Variants in SLC17A2 observed in about 807,000 individuals in gnomAD.
The protein encoded by SLC17A2 is solute carrier family 17 member 2.
In SLC17A2, 38 loss-of-function variants were observed where a neutral mutation model predicts 52.1. The observed-to-expected ratio is 0.73, with a 90% CI of 0.56 to 0.96. The LOEUF is 0.96. SLC17A2 is among the 40% of genes least tolerant of loss of function. SLC17A2 has a pLI of 0.00. For missense variants in SLC17A2, 508 were observed against 583.9 expected (o/e 0.87, Z 1.34); for synonymous variants, 226 against 211.9 (o/e 1.07, Z -0.58).
intron 1 of SLC17A2, among the ~76,000 whole-genome samples, chr6:25,928,393 A>G (rs548318673): frequency 9.3e-4 from 142 of 152,248 alleles, no homozygotes; most frequent in African/African-American, 3.2e-3. Flanking sequence ...TGAGCTTTGA[A>G]TATTAAACAT....
rs78175043 is a variant in SLC17A2, at chr6:25,914,790, T to A, written c.1212-120A>T. ...AAGTCATTTTGCTTAATGCAGTTTTTCATTCACCTAAAGACATTCAGGGCA... is the reference window on the plus strand; with the variant it reads ...AAGTCATTTTGCTTAATGCAGTTTTACATTCACCTAAAGACATTCAGGGCA... On this transcript the variant is annotated intron_variant, in intron 10 of 11. Coordinates refer to ENST00000377850, the MANE Select transcript of SLC17A2 (RefSeq NM_001286123.3). 1,917 of 642,066 alleles carry A rather than the reference T, an allele frequency of 3.0e-3. 19 individuals carry two copies. Among genetic ancestry groups the A allele is most frequent in the African/African-American group, 0.028 (1,551 of 54,832 alleles). The allele number at this position is 642,066 out of a possible 1,614,324, so 39.8% of individuals were successfully genotyped here. A position where few individuals can be genotyped will look rare whatever the true frequency, so the allele number is the denominator to read the frequency against.
rs1309057872 is a variant in SLC17A2, at chr6:25,916,847, C to T, written c.769-1G>A. 6.2e-7 allele frequency: 1 copy of T among 1,614,070 alleles called. No homozygotes were observed. On this transcript the variant is annotated splice_acceptor_variant, in intron 7 of 11. Transcript: ENST00000377850. LOFTEE classifies it high-confidence loss of function. ...GGACAGCTCGTCCAGGAGAACTGGG[C>T]TGAAAAGAAAGATCTAATCAGCATG...
rs181094640 is a variant in SLC17A2, at chr6:25,916,830, C to G, written c.785G>C (p.Arg262Pro). Residue 262 changes from arginine to proline, a missense_variant, in exon 8 of 12, where the codon CGA (arginine) becomes CCA (proline). Physicochemically the swap from Arg to Pro is moderately radical, Grantham distance 103 (BLOSUM62 -2). Transcript: ENST00000377850. The stretch of plus-strand genomic sequence containing the variant: ...GACCATCGCCTTTATGGGGACAGCT[C>G]GTCCAGGAGAACTGGGCTGAAAAGA... ...SLAQQPSSPGRAVPIKAMVTC... is the reference protein window; with the variant it reads ...SLAQQPSSPGPAVPIKAMVTC... 1 of 1,614,090 alleles carries G rather than the reference C, an allele frequency of 6.2e-7. No homozygotes were observed. Among genetic ancestry groups the G allele is most frequent in the African/African-American group, 1.3e-5 (1 of 75,006 alleles).
chr6:25,915,739 G>A lies in SLC17A2; in HGVS notation c.1060C>T (p.Leu354Phe), dbSNP rs752762634. 1.2e-6 allele frequency: 2 copies of A among 1,614,046 alleles called. No homozygotes were observed. The highest frequency in any genetic ancestry group is 1.7e-5 in the Admixed American group (1 of 59,992). Residue 354 changes from leucine (L) to phenylalanine (F), a missense_variant, in exon 9 of 12, where the codon CTT (leucine) becomes TTT (phenylalanine). Leu to Phe is a conservative substitution (Grantham distance 22). Transcript: ENST00000377850. ...LITVRKLFSS[L>F]GLLLPSICAV... Reference sequence around the variant, plus strand: ...GGGCCCACACGCTTATCCTTACCAAGAGATGAAAAGAGCTTTCGCACAGTG... The same window carrying A: ...GGGCCCACACGCTTATCCTTACCAAAAGATGAAAAGAGCTTTCGCACAGTG...
At chr6:25,914,523 T>C (rs1490267392) in intron 11 of SLC17A2, 57 bp downstream of exon 11, 3 of 1,095,774 alleles carry the variant, frequency 2.7e-6, no homozygotes, top group Non-Finnish European at 4.2e-6. Context: ...ACCGTGTGTA[T>C]CTCCAACACC....
Position 25,921,370 on chromosome 6 carries a change from A to G in SLC17A2, c.283T>C (p.Phe95Leu). 2 of 1,614,184 alleles carry G rather than the reference A, an allele frequency of 1.2e-6. No homozygotes were observed. Among genetic ancestry groups the G allele is most frequent in the Non-Finnish European group, 1.7e-6 (2 of 1,180,024 alleles). Residue 95 changes from phenylalanine to leucine, a missense_variant, in exon 4 of 12, where the codon TTT becomes CTT. Coordinates refer to ENST00000377850, the MANE Select transcript of SLC17A2 (RefSeq NM_001286123.3). The part of the protein sequence containing the change: ...QWSPETQGII[F>L]SSINYGIILT... The stretch of plus-strand genomic sequence containing the variant: ...ATTATCCCATAGTTGATGGAGCTAA[A>G]GATGATACCCTGAGTTTCTGGGCTC...
chr6:25,919,834 C>T (rs1179234981), intron 5 of SLC17A2, among the ~76,000 whole-genome samples: 1 of 151,398 alleles, frequency 6.6e-6, no homozygotes, highest in African/African-American at 2.4e-5. Context: ...GGAGCAGAGC[C>T]AGAGGGAAGT....
intron 3 of SLC17A2, among the ~76,000 whole-genome samples, chr6:25,921,820 T>C (rs1261078304): frequency 3.9e-5 from 6 of 152,096 alleles, no homozygotes; most frequent in African/African-American, 1.4e-4. Flanking sequence ...AATCAGTGCC[T>C]AATTAAAAAG....
At chr6:25,920,889 G>A (rs1305145372) in intron 5 of SLC17A2, 117 bp downstream of exon 5, 4 of 876,956 alleles carry the variant, frequency 4.6e-6, no homozygotes, top group Non-Finnish European at 7.2e-6. Context: ...GTCTTATATT[G>A]TTGAATTTTT....
At position 25,913,359 on chromosome 6, in the gene SLC17A2, T is replaced by A. The variant is rs1766174409; in HGVS notation, c.1395A>T (p.Glu465Asp). Reference sequence around the variant, plus strand: ...TCCTCTCTTTGGCCCAGTCTTGAAGTTCTGCTTGTCCAAACGTGAGGTAAA... The same window carrying A: ...TCCTCTCTTTGGCCCAGTCTTGAAGATCTGCTTGTCCAAACGTGAGGTAAA... ...LVFYLTFGQA[E>D]LQDWAKERTL... The change falls in exon 12 of 12, where the codon GAA (glutamate) becomes GAT (aspartate). Residue 465 changes from glutamate (E) to aspartate (D), a missense_variant. Glu to Asp is a conservative substitution (Grantham distance 45). Transcript: ENST00000377850. 3.7e-5 allele frequency: 60 copies of A among 1,614,184 alleles called. No individual in the cohort carries two copies. Among genetic ancestry groups the A allele is most frequent in the Non-Finnish European group, 5.1e-5 (60 of 1,180,004 alleles).
Position 25,918,358 on chromosome 6 carries a change from T to A in SLC17A2, c.649+129A>T, listed in dbSNP as rs575820204. 16 of 655,738 alleles carry A rather than the reference T, an allele frequency of 2.4e-5. No individual in the cohort carries two copies. The African/African-American group carries it at 2.7e-4, about 11-fold the overall frequency. The allele number at this position is 655,738 out of a possible 1,614,324, so 40.6% of individuals were successfully genotyped here. ...CTAGATTAAAAATGATACCAACCGT[T>A]GACATTTTTTATCATCTTCCATTTG... On this transcript the variant is annotated intron_variant, in intron 6 of 11. Coordinates refer to ENST00000377850, the MANE Select transcript of SLC17A2 (RefSeq NM_001286123.3).
At chr6:25,927,488 C>T (rs1241719489) in intron 1 of SLC17A2, among the ~76,000 whole-genome samples, 1 of 152,200 alleles carries the variant, frequency 6.6e-6, no homozygotes, top group South Asian at 2.1e-4. Flanking sequence ...TTCTGGGTTA[C>T]AAAACAGGAT....
At chr6:25,920,448 G>A (rs1163925687) in intron 5 of SLC17A2, among the ~76,000 whole-genome samples, 1 of 152,080 alleles carries the variant, frequency 6.6e-6, no homozygotes, top group Non-Finnish European at 1.5e-5. Context: ...ATTTGTATTT[G>A]GGCAATTTTC....
chr6:25,919,629 G>C (rs1766465109), intron 5 of SLC17A2, among the ~76,000 whole-genome samples: 2 of 147,240 alleles, frequency 1.4e-5, no homozygotes. Context: ...GAACCCGGGA[G>C]GCGGAGCTTG....
intron 5 of SLC17A2, 37 bp downstream of exon 5, chr6:25,920,969 C>A: frequency 6.4e-7 from 1 of 1,572,534 alleles, no homozygotes; most frequent in Non-Finnish European, 8.8e-7. Context: ...TGGGATGGAA[C>A]AGATGACAAA....
At chr6:25,916,606 C>T (rs984051588) in intron 8 of SLC17A2, 79 bp downstream of exon 8, 3 of 1,205,786 alleles carry the variant, frequency 2.5e-6, no homozygotes, top group Non-Finnish European at 3.6e-6. Context: ...TATGTAAAGC[C>T]AGAATGTAAT....
In SLC17A2 at chr6:25,916,742, G is replaced by A. The variant is rs1212172608; in HGVS notation, c.873C>T (p.Ile291=). Residue 291 remains isoleucine, a synonymous_variant, in exon 8 of 12, where the codon ATC becomes ATT. Coordinates refer to ENST00000377850, the MANE Select transcript of SLC17A2 (RefSeq NM_001286123.3). Reference sequence around the variant, plus strand: ...TATACGTTGGTAGGTATGTTAGGATGATGGTGCACAACCAGAAATGGCTGA... The same window carrying A: ...TATACGTTGGTAGGTATGTTAGGATAATGGTGCACAACCAGAAATGGCTGA... The part of the protein sequence containing the change: ...GFFSHFWLCT[I]ILTYLPTYIS... The A allele has an allele frequency of 6.2e-7, 1 of 1,613,736 alleles. No individual in the cohort carries two copies. Among genetic ancestry groups the A allele is most frequent in the East Asian group, 2.2e-5 (1 of 44,880 alleles).
intron 11 of SLC17A2, among the ~76,000 whole-genome samples, chr6:25,913,767 TTC>T (rs1321715004): frequency 2.6e-5 from 3 of 114,580 alleles, no homozygotes; most frequent in East Asian, 5.5e-4. Flanking sequence ...TGTTTGTGTC[TTC>T]TCTGTTTTTT....
At position 25,930,506 on chromosome 6, in the gene SLC17A2, A is replaced by G. The variant is rs1766913348; in HGVS notation, c.-313T>C. ...AATGGACCTTTGGTAAGTTAGTAAT[A>G]ATCCTTCTACCCAAAAAGAAGAAAA... On this transcript the variant is annotated 5_prime_UTR_variant, in exon 1 of 12. Coordinates refer to ENST00000377850, the MANE Select transcript of SLC17A2 (RefSeq NM_001286123.3). 1 of 152,188 alleles carries G rather than the reference A, an allele frequency of 6.6e-6. No homozygotes were observed. Among genetic ancestry groups the G allele is most frequent in the Non-Finnish European group, 1.5e-5 (1 of 68,030 alleles). 9.4% of individuals were successfully genotyped at this position (152,188 alleles called of 1,614,324 possible).
Sources: allele counts gnomAD v4.1 joint callset (sites outside exome capture counted in the v4.1 genomes callset), GRCh38; gene constraint gnomAD v4.1.1; transcripts MANE v1.5; gene names NCBI Gene and HGNC (gene_info 2026-07-23, HGNC 2026-07-21).